The following FSTL5 variants were observed in gnomAD, a reference collection of about 807,000 sequenced individuals.
FSTL5 encodes the protein follistatin like 5, also known as follistatin-related protein 5.
A neutral mutation model predicts 89.1 loss-of-function variants in FSTL5; 62 were observed. That is an observed-to-expected ratio of 0.70 (90% CI 0.57 to 0.86). The LOEUF (loss-of-function observed/expected upper bound fraction) is 0.86. Ranked by LOEUF, FSTL5 falls within the 40% of genes least tolerant of loss-of-function variation. The probability of loss-of-function intolerance (pLI) is 0.00; values close to 1 mark genes in which losing one functional copy is unlikely to be tolerated. For synonymous variants in FSTL5, 383 were observed against 346.2 expected, an observed-to-expected ratio of 1.11 and a Z score of -1.18; for missense variants, 1,057 against 1,001.6, an observed-to-expected ratio of 1.06 and a Z score of -0.75.
intron 15 of FSTL5, among the ~76,000 whole-genome samples, chr4:161,447,935 T>G (rs1047107599): frequency 6.6e-6 from 1 of 152,110 alleles, no homozygotes; most frequent in Non-Finnish European, 1.5e-5. Flanking sequence ...GATAGTGAAG[T>G]AGCTCTGGGA....
At chr4:162,053,751 A>G (rs1475598615) in intron 2 of FSTL5, among the ~76,000 whole-genome samples, 1 of 151,840 alleles carries the variant, frequency 6.6e-6, no homozygotes, top group Admixed American at 6.6e-5. Context: ...ATAACATCAA[A>G]TCCAACTTTA....
chr4:161,817,819 A>G (rs1410200915), intron 4 of FSTL5, among the ~76,000 whole-genome samples: 1 of 152,232 alleles, frequency 6.6e-6, no homozygotes, highest in African/African-American at 2.4e-5. Context: ...TTGGATATTA[A>G]TTTGTATTGT....
intron 3 of FSTL5, among the ~76,000 whole-genome samples, chr4:161,985,854 T>C (rs1049411091): frequency 4.6e-5 from 7 of 152,150 alleles, no homozygotes; most frequent in African/African-American, 1.7e-4. Context: ...TTGAATAGTG[T>C]GTATTTATTC....
At chr4:161,424,556 G>A (rs1314511730) in intron 15 of FSTL5, among the ~76,000 whole-genome samples, 2 of 149,494 alleles carry the variant, frequency 1.3e-5, no homozygotes, top group African/African-American at 2.4e-5. Flanking sequence ...GTTTTCTTTT[G>A]TAATATTCCC....
At chr4:161,766,910 T>TGATAGATAGATA (rs34991915) in intron 5 of FSTL5, among the ~76,000 whole-genome samples, 14 of 106,808 alleles carry the variant, frequency 1.3e-4, no homozygotes, top group East Asian at 5.6e-4. Flanking sequence ...ATAGATCGAT[T>TGATAGATAGATA]GATAGATAGA....
intron 7 of FSTL5, among the ~76,000 whole-genome samples, chr4:161,624,414 T>A (rs1327843061): frequency 6.6e-6 from 1 of 151,986 alleles, no homozygotes; most frequent in Non-Finnish European, 1.5e-5. Context: ...TTCTGAATAA[T>A]AATTCAGGGA....
At position 162,112,812 on chromosome 4, in the gene FSTL5, CACA is replaced by C. The variant is rs1579038100; in HGVS notation, c.-16-1403_-16-1401del. Among the ~76,000 whole-genome samples the C allele has an allele frequency of 4.0e-5, 6 of 149,842 alleles. No individual in the cohort carries two copies. In the East Asian group the frequency reaches 9.7e-4, roughly 24 times the overall value. ...ACACACACACACACACACACACACA[CACA>C]CCAGTGGGCATTCCTAATCCATTCT... On this transcript the variant is annotated intron_variant, in intron 1 of 15. Transcript: ENST00000306100.
intron 4 of FSTL5, among the ~76,000 whole-genome samples, chr4:161,875,680 T>G (rs1732419557): frequency 6.6e-6 from 1 of 152,190 alleles, no homozygotes; most frequent in South Asian, 2.1e-4. Context: ...TTTCTTTGCT[T>G]TCCTGGATGT....
At chr4:161,794,910 C>A (rs1054471942) in intron 4 of FSTL5, among the ~76,000 whole-genome samples, 9 of 152,052 alleles carry the variant, frequency 5.9e-5, no homozygotes, top group African/African-American at 2.2e-4. Flanking sequence ...CTCACATAAA[C>A]ATAGTAACTA....
intron 6 of FSTL5, among the ~76,000 whole-genome samples, chr4:161,664,122 C>T (rs180995947): frequency 1.3e-5 from 2 of 152,204 alleles, no homozygotes; most frequent in South Asian, 2.1e-4. Context: ...TGTGATGGGA[C>T]GGGCTGCGGT....
intron 8 of FSTL5, among the ~76,000 whole-genome samples, chr4:161,567,184 G>C (rs1732847854): frequency 6.6e-6 from 1 of 151,794 alleles, no homozygotes; most frequent in Admixed American, 6.6e-5. Flanking sequence ...TAATATGGAA[G>C]AAATAATCAT....
chr4:161,675,329 T>C (rs538380415), intron 6 of FSTL5, among the ~76,000 whole-genome samples: 2 of 151,858 alleles, frequency 1.3e-5, no homozygotes, highest in East Asian at 3.9e-4. Flanking sequence ...TTTCTACTAA[T>C]AAATGCATAT....
At chr4:161,428,959 A>G (rs1732259664) in intron 15 of FSTL5, among the ~76,000 whole-genome samples, 2 of 151,854 alleles carry the variant, frequency 1.3e-5, no homozygotes, top group African/African-American at 2.4e-5. Flanking sequence ...CCCTTGGATG[A>G]CATTTAGGAC....
intron 8 of FSTL5, among the ~76,000 whole-genome samples, chr4:161,569,699 T>C (rs1453681911): frequency 6.6e-6 from 1 of 151,656 alleles, no homozygotes; most frequent in Admixed American, 6.6e-5. Context: ...AGAGGACATC[T>C]TGGAGGACAC....
chr4:161,394,464 AC>A (rs1243953614), intron 15 of FSTL5, among the ~76,000 whole-genome samples: 1 of 151,982 alleles, frequency 6.6e-6, no homozygotes, highest in Admixed American at 6.6e-5. Context: ...TTTAGTAGAG[AC>A]AGGGTTTCAC....
At chr4:161,454,222 T>C (rs1733271027) in intron 15 of FSTL5, among the ~76,000 whole-genome samples, 2 of 152,170 alleles carry the variant, frequency 1.3e-5, no homozygotes, top group African/African-American at 4.8e-5. Context: ...CACATCAGAA[T>C]TCACTTGAGT....
intron 6 of FSTL5, among the ~76,000 whole-genome samples, chr4:161,713,068 C>A (rs1738854522): frequency 6.6e-6 from 1 of 152,056 alleles, no homozygotes; most frequent in Admixed American, 6.6e-5. Flanking sequence ...TTGCCATGTC[C>A]AGACAAAGTA....
chr4:161,384,284 C>T lies in FSTL5; in HGVS notation c.*1463G>A, dbSNP rs761912193. The T allele has an allele frequency of 1.6e-4, 24 of 151,974 alleles. No homozygotes were observed. The highest frequency in any genetic ancestry group is 3.1e-4 in the Non-Finnish European group (21 of 67,952). 9.4% of individuals were successfully genotyped at this position (151,974 alleles called of 1,614,324 possible). ...TTTAAAAAAGACCTTATTGGATTAC[C>T]TTAAGTAAATGGAGGTCATTTCAAC... On this transcript the variant is annotated 3_prime_UTR_variant, in exon 16 of 16. Coordinates refer to ENST00000306100, the MANE Select transcript of FSTL5 (RefSeq NM_020116.5).
At chr4:161,684,912 A>C (rs370860035) in intron 6 of FSTL5, among the ~76,000 whole-genome samples, 4 of 152,296 alleles carry the variant, frequency 2.6e-5, no homozygotes, top group Admixed American at 2.0e-4. Context: ...TCCTTGATCC[A>C]TCTTGAGTTT....
Sources: gnomAD v4.1 joint callset for allele counts (sites outside exome capture counted in the v4.1 genomes callset) on GRCh38, gnomAD v4.1.1 for gene constraint, MANE v1.5 for transcripts, NCBI Gene and HGNC (gene_info 2026-07-23, HGNC 2026-07-21) for gene names.